Variants in ZNF24 observed in about 807,000 individuals in gnomAD.
ZNF24 encodes the protein retinoic acid suppression protein A.
In ZNF24, 11 loss-of-function variants were observed where a neutral mutation model predicts 40.9. That is an observed-to-expected ratio of 0.27 (90% CI 0.17 to 0.45). The LOEUF is 0.45. Ranked by LOEUF, ZNF24 falls within the 20% of genes least tolerant of loss-of-function variation. The pLI is 1.00. For missense variants in ZNF24, 293 were observed against 437.7 expected (o/e 0.67, Z 2.95); for synonymous variants, 139 against 154.7 (o/e 0.90, Z 0.75).
At chr18:35,338,350 A>C in intron 3 of ZNF24, 1 of 985,394 alleles carries the variant, frequency 1.0e-6, no homozygotes, top group Non-Finnish European at 1.2e-6. Flanking sequence ...ATGACATAAA[A>C]ATTCAGTATG....
chr18:35,337,959 A>G (rs1173822979), intron 3 of ZNF24, 189 bp from the exon 4 acceptor site: 6 of 515,662 alleles, frequency 1.2e-5, no homozygotes, highest in East Asian at 3.2e-5. Context: ...ACATCATGAT[A>G]TAAGGGATAT....
At chr18:35,341,629 T>C (rs963628754) in intron 1 of ZNF24, among the ~76,000 whole-genome samples, 2 of 152,014 alleles carry the variant, frequency 1.3e-5, no homozygotes, top group Non-Finnish European at 2.9e-5. Flanking sequence ...TGGGACAAGA[T>C]ATGGAGGTAG....
intron 3 of ZNF24, chr18:35,339,176 A>G (rs1043814324): frequency 1.3e-4 from 102 of 802,042 alleles, no homozygotes; most frequent in Non-Finnish European, 1.2e-4. Flanking sequence ...GATACACATA[A>G]GTATATGGTG....
intron 1 of ZNF24, among the ~76,000 whole-genome samples, chr18:35,341,328 A>G (rs1004942161): frequency 1.3e-5 from 2 of 151,320 alleles, no homozygotes; most frequent in Non-Finnish European, 2.9e-5. Context: ...CATTACTCAC[A>G]TGTTTGTGGT....
chr18:35,339,547 G>A (rs1265873033), intron 3 of ZNF24, among the ~76,000 whole-genome samples: 2 of 152,176 alleles, frequency 1.3e-5, no homozygotes, highest in African/African-American at 2.4e-5. Flanking sequence ...GCAAAATAGA[G>A]GGACTTGGTC....
chr18:35,339,626 G>C (rs1208727408), intron 3 of ZNF24, among the ~76,000 whole-genome samples: 1 of 152,154 alleles, frequency 6.6e-6, no homozygotes, highest in Non-Finnish European at 1.5e-5. Context: ...TTAGGAAGGA[G>C]ACTGAAAGGG....
At chr18:35,344,144 G>A (rs1457054074) in intron 1 of ZNF24, among the ~76,000 whole-genome samples, 1 of 152,116 alleles carries the variant, frequency 6.6e-6, no homozygotes, top group Non-Finnish European at 1.5e-5. Context: ...GACACAGGGG[G>A]TTAGAGAGCT....
chr18:35,342,305 T>TA lies in ZNF24; in HGVS notation c.-83-1573dup, dbSNP rs751281917. The stretch of plus-strand genomic sequence containing the variant: ...TGTTATCACAAAAGAGTAAAAAAGT[T>TA]AAAAAAAAATGTAAAAGTTTGTAAG... On this transcript the variant is annotated intron_variant, in intron 1 of 3. Coordinates refer to ENST00000261332, the MANE Select transcript of ZNF24 (RefSeq NM_006965.4). Among the ~76,000 whole-genome samples, 70 of 151,440 alleles carry TA rather than the reference T, an allele frequency of 4.6e-4. 2 individuals are homozygous for TA. In the South Asian group the frequency reaches 9.6e-3, roughly 21 times the overall value.
At position 35,333,899 on chromosome 18, in the gene ZNF24, T is replaced by C. The variant is rs2044880196; in HGVS notation, c.*3333A>G. The C allele has an allele frequency of 6.6e-6, 1 of 152,174 alleles. No individual in the cohort carries two copies. Among genetic ancestry groups the C allele is most frequent in the Non-Finnish European group, 1.5e-5 (1 of 68,036 alleles). 9.4% of individuals were successfully genotyped at this position (152,174 alleles called of 1,614,324 possible). On this transcript the variant is annotated 3_prime_UTR_variant, in exon 4 of 4. Coordinates refer to ENST00000261332, the MANE Select transcript of ZNF24 (RefSeq NM_006965.4). ...AGAATATTCATGCAATGGAATAGTA[T>C]ATAGTTATGAAAAAAGAACATCTTC...
rs1463739719 is a variant in ZNF24 at position 35,336,488 on chromosome 18, G to C, written c.*744C>G. 4.6e-5 allele frequency: 7 copies of C among 152,258 alleles called. No individual in the cohort carries two copies. The South Asian group carries it at 1.0e-3, about 23-fold the overall frequency. 9.4% of individuals were successfully genotyped at this position (152,258 alleles called of 1,614,324 possible). On this transcript the variant is annotated 3_prime_UTR_variant, in exon 4 of 4. Transcript: ENST00000261332. ...CAACTGTTTATTATTTAGACTGTAT[G>C]CTTTTTAATAATATATGGGAAAACA...
Position 35,332,919 on chromosome 18 carries a change from A to T in ZNF24, c.*4313T>A, listed in dbSNP as rs2044870942. The T allele has an allele frequency of 1.3e-5, 2 of 152,348 alleles. No homozygotes were observed. Among genetic ancestry groups the T allele is most frequent in the Non-Finnish European group, 2.9e-5 (2 of 68,020 alleles). 9.4% of individuals were successfully genotyped at this position (152,348 alleles called of 1,614,324 possible). A position where few individuals can be genotyped will look rare whatever the true frequency, so the allele number is the denominator to read the frequency against. ...CCCAATCTCACCATTTTTTTTTATAATCAGGGAAATGCAAAATAAGAAAAG... is the reference window on the plus strand; with the variant it reads ...CCCAATCTCACCATTTTTTTTTATATTCAGGGAAATGCAAAATAAGAAAAG... On this transcript the variant is annotated 3_prime_UTR_variant, in exon 4 of 4. Coordinates refer to ENST00000261332, the MANE Select transcript of ZNF24 (RefSeq NM_006965.4).
At chr18:35,344,042 A>C (rs1198530386) in intron 1 of ZNF24, 1 of 152,060 alleles carries the variant, frequency 6.6e-6, no homozygotes, top group Non-Finnish European at 1.5e-5. Context: ...ACCCCCTCCC[A>C]TCACGACTCC....
intron 1 of ZNF24, among the ~76,000 whole-genome samples, chr18:35,343,025 G>T (rs1052441762): frequency 1.3e-5 from 2 of 152,096 alleles, no homozygotes; most frequent in Non-Finnish European, 2.9e-5. Flanking sequence ...CAAAAGGAAG[G>T]TTCGCTTTAT....
rs373840623 is a variant in ZNF24, at chr18:35,337,220, T to A, written c.*12A>T. 17 of 1,431,182 alleles carry A rather than the reference T, an allele frequency of 1.2e-5. No homozygotes were observed. The African/African-American group carries it at 1.7e-4, about 14-fold the overall frequency. 88.7% of individuals were successfully genotyped at this position (1,431,182 alleles called of 1,614,324 possible). ...AGACCTGAGTGCTGATTCTTTTTTT[T>A]TTTTCAATTTCTTAAACTTTCACAA... is the stretch of plus-strand genomic sequence containing the variant. On this transcript the variant is annotated 3_prime_UTR_variant, in exon 4 of 4. Transcript: ENST00000261332.
rs1377507580 is a variant in ZNF24, at chr18:35,333,824, C to T, written c.*3408G>A. 2.0e-5 allele frequency: 3 copies of T among 152,154 alleles called. No homozygotes were observed. The highest frequency in any genetic ancestry group is 7.2e-5 in the African/African-American group (3 of 41,424). The allele number at this position is 152,154 out of a possible 1,614,324, so 9.4% of individuals were successfully genotyped here. A position where few individuals can be genotyped will look rare whatever the true frequency, so the allele number is the denominator to read the frequency against. On this transcript the variant is annotated 3_prime_UTR_variant, in exon 4 of 4. Coordinates refer to ENST00000261332, the MANE Select transcript of ZNF24 (RefSeq NM_006965.4). ...ATGTACAGGAATGTTAATTACACTT[C>T]TATCTATAATGAACCTAATTATCAA...
At chr18:35,342,216 C>T (rs1267054852) in intron 1 of ZNF24, among the ~76,000 whole-genome samples, 1 of 150,892 alleles carries the variant, frequency 6.6e-6, no homozygotes, top group Non-Finnish European at 1.5e-5. Context: ...AAGCAAAAAG[C>T]TTACAGAATA....
At chr18:35,339,154 G>T in intron 3 of ZNF24, 1 of 1,001,126 alleles carries the variant, frequency 1.0e-6, no homozygotes, top group Non-Finnish European at 1.5e-6. Flanking sequence ...AATATACTGG[G>T]CCATATCAAA....
Position 35,334,566 on chromosome 18 carries a change from C to G in ZNF24, c.*2666G>C, listed in dbSNP as rs139135062. 6.6e-6 allele frequency: 1 copy of G among 152,316 alleles called. No homozygotes were observed. Among genetic ancestry groups the G allele is most frequent in the African/African-American group, 2.4e-5 (1 of 41,564 alleles). 9.4% of individuals were successfully genotyped at this position (152,316 alleles called of 1,614,324 possible). A position where few individuals can be genotyped will look rare whatever the true frequency, so the allele number is the denominator to read the frequency against. Reference sequence around the variant, plus strand: ...CCAGAAGAAAAAACCAGCAAATGCTCAGTGGCTACTGGGCAGATATCAGCA... The same window carrying G: ...CCAGAAGAAAAAACCAGCAAATGCTGAGTGGCTACTGGGCAGATATCAGCA... On this transcript the variant is annotated 3_prime_UTR_variant, in exon 4 of 4. Coordinates refer to ENST00000261332, the MANE Select transcript of ZNF24 (RefSeq NM_006965.4).
chr18:35,338,409 T>C (rs988787238), intron 3 of ZNF24: 1 of 985,308 alleles, frequency 1.0e-6, no homozygotes, highest in Non-Finnish European at 1.2e-6. Flanking sequence ...TCCCATGTGG[T>C]ATTTGTCATG....
Sources: allele counts gnomAD v4.1 joint callset (sites outside exome capture counted in the v4.1 genomes callset), GRCh38; gene constraint gnomAD v4.1.1; transcripts MANE v1.5; gene names NCBI Gene and HGNC (gene_info 2026-07-23, HGNC 2026-07-21).